Variants in PAK2 observed in about 807,000 individuals in gnomAD.
PAK2 encodes serine/threonine-protein kinase PAK 2.
In PAK2, 21 loss-of-function variants were observed where a neutral mutation model predicts 65.9. The ratio of observed to expected loss-of-function variants is 0.32; its 90% CI spans 0.23 to 0.46. The LOEUF is 0.46. PAK2 is among the 20% of genes least tolerant of loss of function. The pLI, the probability that PAK2 is intolerant of heterozygous loss-of-function variation, is 1.00. For synonymous variants in PAK2, 204 were observed against 219.7 expected, an observed-to-expected ratio of 0.93 and a Z score of 0.63; for missense variants, 324 against 642.6, an observed-to-expected ratio of 0.50 and a Z score of 5.36.
intron 3 of PAK2, 80 bp downstream of exon 3, chr3:196,802,107 T>G: frequency 2.4e-6 from 2 of 843,714 alleles, no homozygotes; most frequent in Non-Finnish European, 4.0e-6. Flanking sequence ...AATTTGAAAT[T>G]AACATTTCAG....
intron 1 of PAK2, among the ~76,000 whole-genome samples, chr3:196,762,027 G>A (rs1470256189): frequency 7.5e-6 from 1 of 133,508 alleles, no homozygotes; most frequent in Non-Finnish European, 1.6e-5. Flanking sequence ...AGACGGGGCG[G>A]CCGGGCAGAG....
chr3:196,777,424 G>A (rs1412184129), intron 1 of PAK2, among the ~76,000 whole-genome samples: 1 of 152,022 alleles, frequency 6.6e-6, no homozygotes, highest in Admixed American at 6.6e-5. Context: ...GGCTGGTCTC[G>A]AACTCCTGAC....
At position 196,825,410 on chromosome 3, in the gene PAK2, A is replaced by G. The variant is rs192787939; in HGVS notation, c.1351-1786A>G. On this transcript the variant is annotated intron_variant, in intron 13 of 14. Transcript: ENST00000327134. ...TGTAATCCCAGCACTTTGGGAGGCC[A>G]AGGCGGGCAGATCACAAAGTTGGGA... Among the ~76,000 whole-genome samples, 63 of 151,960 alleles carry G rather than the reference A, an allele frequency of 4.1e-4. 2 individuals carry two copies. The East Asian group carries it at 7.2e-3, about 17-fold the overall frequency.
intron 1 of PAK2, among the ~76,000 whole-genome samples, chr3:196,755,121 T>C (rs1393284045): frequency 6.6e-6 from 1 of 152,204 alleles, no homozygotes; most frequent in Non-Finnish European, 1.5e-5. Context: ...TGGGACAGAC[T>C]ACGTTGGAGA....
chr3:196,805,519 T>C, intron 5 of PAK2, 136 bp downstream of exon 5: 1 of 506,804 alleles, frequency 2.0e-6, no homozygotes, highest in Non-Finnish European at 3.5e-6. Context: ...TGTTTTTAGC[T>C]AGCCACCTGA....
At chr3:196,796,189 G>C (rs1437516487) in intron 2 of PAK2, among the ~76,000 whole-genome samples, 1 of 152,150 alleles carries the variant, frequency 6.6e-6, no homozygotes, top group African/African-American at 2.4e-5. Flanking sequence ...CTGGGGGCTG[G>C]GGACCCTTGT....
intron 1 of PAK2, among the ~76,000 whole-genome samples, chr3:196,776,005 TG>T (rs2108733930): frequency 1.3e-5 from 2 of 152,290 alleles, no homozygotes; most frequent in South Asian, 2.1e-4. Flanking sequence ...TCAAAGCATT[TG>T]GGGTATGTAG....
At chr3:196,789,087 G>C (rs1445602487) in intron 2 of PAK2, among the ~76,000 whole-genome samples, 3 of 152,150 alleles carry the variant, frequency 2.0e-5, no homozygotes, top group Non-Finnish European at 2.9e-5. Flanking sequence ...ATAGAAAAAA[G>C]GTTTTGTTCG....
chr3:196,744,236 AATATT>A (rs1396619669), intron 1 of PAK2, among the ~76,000 whole-genome samples: 1 of 152,188 alleles, frequency 6.6e-6, no homozygotes, highest in African/African-American at 2.4e-5. Context: ...AGTAGAAAAA[AATATT>A]AAATAAGAAA....
In PAK2 at chr3:196,751,694, T is replaced by TATATATATATATATATATATATAA. The variant is rs1211217848; in HGVS notation, c.-22+11538_-22+11539insTATATATATATATATATATATAAA. On this transcript the variant is annotated intron_variant, in intron 1 of 14. Transcript: ENST00000327134. The stretch of plus-strand genomic sequence containing the variant: ...ATATACATATATATATATATATATA[T>TATATATATATATATATATATATAA]AATTCAGGCTATATATAAAAGGCAT... Among the ~76,000 whole-genome samples the TATATATATATATATATATATATAA allele has an allele frequency of 2.0e-4, 9 of 45,870 alleles. 1 individual carries two copies. The highest frequency in any genetic ancestry group is 1.1e-3 in the African/African-American group (9 of 8,546). The allele number at this position is 45,870 out of a possible 152,430, so 30.1% of individuals were successfully genotyped here. A position where few individuals can be genotyped will look rare whatever the true frequency, so the allele number is the denominator to read the frequency against.
rs575910220 is a variant in PAK2, at chr3:196,769,541, G to A, written c.-21-13085G>A. ...CAATTCCGCATCCCGGCCAGGCGTG[G>A]TGGCTCACGCCTGTAATCCCAGCGC... On this transcript the variant is annotated intron_variant, in intron 1 of 14. Coordinates refer to ENST00000327134, the MANE Select transcript of PAK2 (RefSeq NM_002577.4). Among the ~76,000 whole-genome samples, 216 of 152,002 alleles carry A rather than the reference G, an allele frequency of 1.4e-3. 1 individual carries two copies. The highest frequency in any genetic ancestry group is 2.7e-3 in the Admixed American group (41 of 15,274).
chr3:196,823,331 C>T (rs75974612), intron 13 of PAK2, among the ~76,000 whole-genome samples: 1,692 of 152,202 alleles, frequency 0.011, 36 homozygotes, highest in African/African-American at 0.039. Context: ...GCTGAAGAGT[C>T]TTACAGGGCT....
chr3:196,745,542 A>G (rs1032687829), intron 1 of PAK2, among the ~76,000 whole-genome samples: 1 of 152,168 alleles, frequency 6.6e-6, no homozygotes, highest in East Asian at 1.9e-4. Flanking sequence ...GGCCGGGTGC[A>G]GTGGCTTACG....
At chr3:196,763,670 T>C (rs1393047101) in intron 1 of PAK2, among the ~76,000 whole-genome samples, 1 of 152,162 alleles carries the variant, frequency 6.6e-6, no homozygotes, top group Non-Finnish European at 1.5e-5. Context: ...GAAGATTGCT[T>C]ACGTTTTCAT....
intron 6 of PAK2, 46 bp from the exon 7 acceptor site, chr3:196,807,736 G>T (rs758132671): frequency 2.6e-6 from 3 of 1,138,986 alleles, no homozygotes; most frequent in Non-Finnish European, 3.9e-6. Flanking sequence ...AAGAATATCT[G>T]AAAACATTAT....
chr3:196,814,632 A>G (rs1197528443), intron 11 of PAK2, 64 bp downstream of exon 11: 1 of 750,930 alleles, frequency 1.3e-6, no homozygotes, highest in African/African-American at 1.8e-5. Flanking sequence ...GAACAAAAGG[A>G]AATTTTTCTG....
In PAK2 at chr3:196,831,212, T is replaced by C. The variant is rs1213419586; in HGVS notation, c.*2807T>C. 2.0e-5 allele frequency: 3 copies of C among 152,174 alleles called. No individual in the cohort carries two copies. In the East Asian group the frequency reaches 5.8e-4, roughly 29 times the overall value. The allele number at this position is 152,174 out of a possible 1,614,324, so 9.4% of individuals were successfully genotyped here. On this transcript the variant is annotated 3_prime_UTR_variant, in exon 15 of 15. Transcript: ENST00000327134. ...CTCATGTTTTTTAAATAATTGCCTT[T>C]TATATTTACCCTTTTTGTCATCACT...
At chr3:196,818,354 T>G (rs1711537017) in intron 12 of PAK2, among the ~76,000 whole-genome samples, 198 bp downstream of exon 12, 2 of 152,156 alleles carry the variant, frequency 1.3e-5, no homozygotes, top group African/African-American at 4.8e-5. Flanking sequence ...AGACATTACC[T>G]AATAATTACC....
intron 11 of PAK2, among the ~76,000 whole-genome samples, chr3:196,815,441 A>G (rs1422207331): frequency 2.0e-5 from 3 of 150,128 alleles, no homozygotes; most frequent in East Asian, 2.0e-4. Context: ...GCAGTGAGCC[A>G]AAATTGCGCC....
Sources: allele counts gnomAD v4.1 joint callset (sites outside exome capture counted in the v4.1 genomes callset), GRCh38; gene constraint gnomAD v4.1.1; transcripts MANE v1.5; gene names NCBI Gene and HGNC (gene_info 2026-07-23, HGNC 2026-07-21).